The following SPATA13 variants were observed in gnomAD, a reference collection of about 807,000 sequenced individuals.
SPATA13 encodes spermatogenesis-associated protein 13.
A neutral mutation model predicts 104.0 loss-of-function variants in SPATA13; 50 were observed. That is an observed-to-expected ratio of 0.48 (90% CI 0.38 to 0.61). The LOEUF (loss-of-function observed/expected upper bound fraction) is 0.61. SPATA13 is among the 20% of genes least tolerant of loss of function. SPATA13 has a pLI of 0.00. For missense variants in SPATA13, 1,524 were observed against 1,690.6 expected, an observed-to-expected ratio of 0.90 and a Z score of 1.73; for synonymous variants, 606 against 667.5, an observed-to-expected ratio of 0.91 and a Z score of 1.42.
At chr13:24,104,735 G>T (rs1015190988) in intron 3 of SPATA13, among the ~76,000 whole-genome samples, 1 of 152,206 alleles carries the variant, frequency 6.6e-6, no homozygotes, top group Non-Finnish European at 1.5e-5. Flanking sequence ...ACAGTGCTTT[G>T]CACATAGTAA....
intron 3 of SPATA13, among the ~76,000 whole-genome samples, chr13:24,152,540 G>A (rs1201816829): frequency 1.3e-5 from 2 of 152,234 alleles, no homozygotes; most frequent in African/African-American, 4.8e-5. Context: ...CACAGCGGGT[G>A]TTCTATGCCA....
chr13:24,056,841 A>G (rs1207778325), intron 3 of SPATA13, among the ~76,000 whole-genome samples: 4 of 151,900 alleles, frequency 2.6e-5, no homozygotes, highest in Admixed American at 2.0e-4. Flanking sequence ...TGCCCCTCAC[A>G]TCGTCCTGCA....
chr13:24,069,930 G>GCC (rs1879098528), intron 3 of SPATA13, among the ~76,000 whole-genome samples: 1 of 152,180 alleles, frequency 6.6e-6, no homozygotes, highest in Non-Finnish European at 1.5e-5. Flanking sequence ...CCAAAGGAAG[G>GCC]TCCCCAATGT....
At chr13:24,130,988 T>A (rs1437083744) in intron 3 of SPATA13, among the ~76,000 whole-genome samples, 1 of 152,204 alleles carries the variant, frequency 6.6e-6, no homozygotes, top group Non-Finnish European at 1.5e-5. Flanking sequence ...TCTGGCTTCA[T>A]CGTGATTCAC....
In SPATA13 at chr13:24,286,724, C is replaced by T. The variant is rs371148808; in HGVS notation, c.2482-41C>T. On this transcript the variant is annotated intron_variant, in intron 6 of 12. Coordinates refer to ENST00000382108, the MANE Select transcript of SPATA13 (RefSeq NM_001166271.3). This position sits in a 1 kb window ranked among gnomAD's most constrained non-coding sequence, Gnocchi z 4.9. ...TCCTGCCTCTGCTCCATGCTGCCCT[C>T]CCCTGCCCCAAGTCACCTGTCCCCT... 1.9e-6 allele frequency: 3 copies of T among 1,592,440 alleles called. No homozygotes were observed. The highest frequency in any genetic ancestry group is 2.6e-6 in the Non-Finnish European group (3 of 1,166,356).
At chr13:24,191,831 G>C (rs1017234801) in intron 1 of SPATA13, among the ~76,000 whole-genome samples, 1 of 152,010 alleles carries the variant, frequency 6.6e-6, no homozygotes, top group Non-Finnish European at 1.5e-5. Flanking sequence ...TAAAGCCCTT[G>C]CATCTCCTGC....
At chr13:24,022,968 C>A (rs558108592) in intron 3 of SPATA13, among the ~76,000 whole-genome samples, 2 of 151,912 alleles carry the variant, frequency 1.3e-5, no homozygotes, top group East Asian at 3.9e-4. Flanking sequence ...ACTTTAAGTT[C>A]TAGGGTACAT....
intron 1 of SPATA13, among the ~76,000 whole-genome samples, chr13:24,193,225 C>T (rs1322772921): frequency 2.0e-5 from 3 of 151,648 alleles, no homozygotes; most frequent in Admixed American, 6.6e-5. Context: ...GGGGAAGTGA[C>T]GGAGCTCTGA....
intron 4 of SPATA13, among the ~76,000 whole-genome samples, chr13:24,282,754 A>G (rs1019007983): frequency 3.5e-4 from 54 of 152,314 alleles, no homozygotes; most frequent in Admixed American, 3.0e-3. Flanking sequence ...GTGGAGTTCC[A>G]GCTACTTGTC....
Position 24,058,632 on chromosome 13 carries a change from A to G in SPATA13, c.-112+40931A>G, listed in dbSNP as rs146928551. Reference sequence around the variant, plus strand: ...GAAACTCATGGCTTCAAAACGGTCTACATAATTATGAAATTCAGATAATTT... The same window carrying G: ...GAAACTCATGGCTTCAAAACGGTCTGCATAATTATGAAATTCAGATAATTT... On this transcript the variant is annotated intron_variant, in intron 3 of 14. Transcript: ENST00000424834. Among the ~76,000 whole-genome samples the G allele has an allele frequency of 3.3e-5, 5 of 152,080 alleles. No individual in the cohort carries two copies. The East Asian group carries it at 9.7e-4, about 29-fold the overall frequency.
At chr13:24,053,495 T>C (rs1213525971) in intron 3 of SPATA13, among the ~76,000 whole-genome samples, 5 of 152,198 alleles carry the variant, frequency 3.3e-5, no homozygotes, top group Non-Finnish European at 7.3e-5. Flanking sequence ...ACCTGGGATC[T>C]CAGCTTTCTT....
intron 1 of SPATA13, among the ~76,000 whole-genome samples, chr13:24,169,115 G>A (rs946379430): frequency 6.6e-6 from 1 of 152,126 alleles, no homozygotes; most frequent in African/African-American, 2.4e-5. Flanking sequence ...CCTGGCATTG[G>A]GATCTCTGCG....
At chr13:23,997,537 A>G (rs1041956499) in intron 2 of SPATA13, among the ~76,000 whole-genome samples, 1 of 86,740 alleles carries the variant, frequency 1.2e-5, no homozygotes, top group African/African-American at 4.9e-5. Context: ...TAGTAGTTAT[A>G]TTAGTCCATT....
intron 3 of SPATA13, among the ~76,000 whole-genome samples, chr13:24,020,291 C>T (rs4770552): frequency 0.82 from 124,763 of 152,220 alleles, 51,462 homozygotes; most frequent in Middle Eastern, 0.86. Flanking sequence ...GCTTGAACTT[C>T]TAACCAATAT....
At chr13:24,145,193 G>A (rs1881890195) in intron 3 of SPATA13, among the ~76,000 whole-genome samples, 1 of 152,176 alleles carries the variant, frequency 6.6e-6, no homozygotes, top group African/African-American at 2.4e-5. Flanking sequence ...AAAGGCACTT[G>A]ATTAAAATGT....
intron 3 of SPATA13, among the ~76,000 whole-genome samples, chr13:24,105,253 G>A (rs148641026): frequency 4.6e-5 from 7 of 152,256 alleles, no homozygotes; most frequent in African/African-American, 1.4e-4. Flanking sequence ...CTCCAGAGTA[G>A]CTGGGACTAC....
intron 4 of SPATA13, among the ~76,000 whole-genome samples, chr13:24,269,133 G>A (rs1874429166): frequency 2.0e-5 from 3 of 152,104 alleles, no homozygotes; most frequent in African/African-American, 7.3e-5. Context: ...AAGAGCCAGT[G>A]CTTCTCTAAA....
intron 2 of SPATA13, among the ~76,000 whole-genome samples, chr13:24,014,922 G>C (rs930895582): frequency 8.0e-6 from 1 of 125,762 alleles, no homozygotes; most frequent in Admixed American, 1.1e-4. Flanking sequence ...ACAGAGTCTC[G>C]CTGTGTCGCC....
intron 3 of SPATA13, among the ~76,000 whole-genome samples, chr13:24,104,964 G>T (rs898845824): frequency 1.3e-5 from 2 of 152,110 alleles, no homozygotes; most frequent in Non-Finnish European, 2.9e-5. Flanking sequence ...TTCTCTGCCT[G>T]ACAGTCTCAT....
Sources: gnomAD v4.1 joint callset for allele counts (sites outside exome capture counted in the v4.1 genomes callset) on GRCh38, gnomAD v4.1.1 for gene constraint, Gnocchi (gnomAD v3.1) non-coding constraint, MANE v1.5 for transcripts, NCBI Gene and HGNC (gene_info 2026-07-23, HGNC 2026-07-21) for gene names.